Variants in LARP4B observed in about 807,000 individuals in gnomAD.
The protein encoded by LARP4B is La ribonucleoprotein 4B.
LARP4B carries 12 observed loss-of-function variants against 89.8 expected under a neutral mutation model. The ratio of observed to expected loss-of-function variants is 0.13; its 90% CI spans 0.09 to 0.22. The LOEUF (loss-of-function observed/expected upper bound fraction) is 0.22, where lower values mean the gene tolerates loss of function less well. Among genes scored for constraint, LARP4B ranks in the 10% least tolerant of loss-of-function variants. The pLI is 1.00. For synonymous variants in LARP4B, 367 were observed against 363.3 expected (o/e 1.01, Z -0.12); for missense variants, 757 against 947.7 (o/e 0.80, Z 2.64).
the LARP4B span, among the ~76,000 whole-genome samples, chr10:962,840 T>G: frequency 2.0e-5 from 3 of 152,100 alleles, no homozygotes; most frequent in African/African-American, 4.8e-5. Flanking sequence ...AGGGTCTGAC[T>G]TCTGCCGTAG....
At chr10:976,450 C>T in the LARP4B span, among the ~76,000 whole-genome samples, 12 of 150,374 alleles carry the variant, frequency 8.0e-5, no homozygotes, top group South Asian at 4.2e-4. Flanking sequence ...ATGTGCGGTC[C>T]GGCCTAGTAG....
intron 3 of LARP4B, among the ~76,000 whole-genome samples, chr10:876,897 T>C (rs1186419398): frequency 6.6e-6 from 1 of 152,110 alleles, no homozygotes; most frequent in African/African-American, 2.4e-5. Flanking sequence ...GCCCCACAGC[T>C]CTAGCATTCT....
At chr10:886,602 G>A (rs1176600459) in intron 1 of LARP4B, among the ~76,000 whole-genome samples, 1 of 152,166 alleles carries the variant, frequency 6.6e-6, no homozygotes, top group Non-Finnish European at 1.5e-5. Flanking sequence ...GTATCTGTCT[G>A]TCTATGCTAT....
rs1014657893 is a variant in LARP4B at position 810,690 on chromosome 10, G to A, written c.*2236C>T. On this transcript the variant is annotated 3_prime_UTR_variant, in exon 18 of 18. Transcript: ENST00000316157. ...TGGCTGATGGCGCCCTGGCCCTTCC[G>A]TAGCGAAGATGCAGCTCGTAGGCCC... The A allele has an allele frequency of 2.0e-5, 3 of 152,218 alleles. No homozygotes were observed. Among genetic ancestry groups the A allele is most frequent in the East Asian group, 1.9e-4 (1 of 5,198 alleles). 9.4% of individuals were successfully genotyped at this position (152,218 alleles called of 1,614,324 possible). A position where few individuals can be genotyped will look rare whatever the true frequency, so the allele number is the denominator to read the frequency against.
Position 812,880 on chromosome 10 carries a change from T to C in LARP4B, c.*46A>G, listed in dbSNP as rs1222192912. The C allele has an allele frequency of 5.4e-6, 8 of 1,487,068 alleles. No individual in the cohort carries two copies. Among genetic ancestry groups the C allele is most frequent in the Admixed American group, 2.4e-5 (1 of 41,250 alleles). 92.1% of individuals were successfully genotyped at this position (1,487,068 alleles called of 1,614,324 possible). A position where few individuals can be genotyped will look rare whatever the true frequency, so the allele number is the denominator to read the frequency against. The stretch of plus-strand genomic sequence containing the variant: ...CGCACTGAGTGGGAGAGTGTCTCGT[T>C]TGTGGTTAACACAGCGCTCTGCGAC... On this transcript the variant is annotated 3_prime_UTR_variant, in exon 18 of 18. Coordinates refer to ENST00000316157, the MANE Select transcript of LARP4B (RefSeq NM_015155.3).
chr10:909,293 C>CAA (rs56787174), intron 1 of LARP4B, among the ~76,000 whole-genome samples: 2,516 of 80,634 alleles, frequency 0.031, 111 homozygotes, highest in African/African-American at 0.097. Flanking sequence ...GACTCCGTCT[C>CAA]AAAAAAAAAA....
the LARP4B span, among the ~76,000 whole-genome samples, chr10:960,168 G>A: frequency 6.6e-6 from 1 of 152,180 alleles, no homozygotes; most frequent in Non-Finnish European, 1.5e-5. Flanking sequence ...ACGACAGAAC[G>A]TTTTGGAAAA....
chr10:817,898 G>A lies in LARP4B; in HGVS notation c.1531-9C>T, dbSNP rs1467082001. 4 of 1,611,110 alleles carry A rather than the reference G, an allele frequency of 2.5e-6. No individual in the cohort carries two copies. Among genetic ancestry groups the A allele is most frequent in the African/African-American group, 2.7e-5 (2 of 74,876 alleles). ...GACTGTGTCTGGCTGCTCTGCAACA[G>A]AATGACACCCCAGGGTCACGGTATG... On this transcript the variant is annotated splice_polypyrimidine_tract_variant and intron_variant, in intron 14 of 17. Coordinates refer to ENST00000316157, the MANE Select transcript of LARP4B (RefSeq NM_015155.3).
At chr10:949,932 C>T in the LARP4B span, among the ~76,000 whole-genome samples, 13 of 152,288 alleles carry the variant, frequency 8.5e-5, no homozygotes, top group South Asian at 1.2e-3. Flanking sequence ...CGTGCCACCA[C>T]GCCCAGCTAA....
chr10:825,607 T>C (rs61623284), intron 12 of LARP4B, among the ~76,000 whole-genome samples, 157 bp downstream of exon 12: 1 of 152,248 alleles, frequency 6.6e-6, no homozygotes, highest in African/African-American at 2.4e-5. Flanking sequence ...CGGGCACCCA[T>C]GCCAGATTGT....
At chr10:906,356 AAT>A (rs1175544031) in intron 1 of LARP4B, among the ~76,000 whole-genome samples, 2 of 152,356 alleles carry the variant, frequency 1.3e-5, no homozygotes, top group African/African-American at 4.8e-5. Context: ...AATTTATATT[AAT>A]TAAATCACAC....
intron 1 of LARP4B, among the ~76,000 whole-genome samples, chr10:894,700 G>C (rs972682311): frequency 1.3e-5 from 2 of 152,108 alleles, no homozygotes; most frequent in Non-Finnish European, 2.9e-5. Context: ...ATAACAGCTA[G>C]AAACTAAAAG....
chr10:949,677 C>T, the LARP4B span, among the ~76,000 whole-genome samples: 3 of 152,250 alleles, frequency 2.0e-5, no homozygotes, highest in Non-Finnish European at 4.4e-5. Flanking sequence ...TTTTAATTTG[C>T]ATTTCCCTAA....
the LARP4B span, among the ~76,000 whole-genome samples, chr10:945,069 T>A: frequency 1.3e-5 from 2 of 152,238 alleles, no homozygotes; most frequent in Non-Finnish European, 2.9e-5. Flanking sequence ...TCATATTTTA[T>A]AAATGTATTT....
chr10:858,906 C>T (rs1215637219), intron 5 of LARP4B, among the ~76,000 whole-genome samples: 1 of 152,184 alleles, frequency 6.6e-6, no homozygotes, highest in East Asian at 1.9e-4. Context: ...AATCACAGCA[C>T]TTTGGCAGGC....
chr10:856,747 G>A (rs1045368241), intron 5 of LARP4B, among the ~76,000 whole-genome samples: 18 of 152,152 alleles, frequency 1.2e-4, no homozygotes, highest in South Asian at 1.0e-3. Flanking sequence ...TTGTGCTTCC[G>A]GCACGAGTAG....
the LARP4B span, among the ~76,000 whole-genome samples, chr10:984,279 GAA>G: frequency 0.026 from 3,988 of 152,232 alleles, 76 homozygotes; most frequent in Non-Finnish European, 0.043. Context: ...CTAATCTTAA[GAA>G]ATTCTGCCTG....
the LARP4B span, among the ~76,000 whole-genome samples, chr10:982,066 G>C: frequency 6.9e-6 from 1 of 143,964 alleles, no homozygotes; most frequent in Non-Finnish European, 1.5e-5. Context: ...TTTTTTTTTT[G>C]ATCTGCTACT....
At chr10:962,047 C>T in the LARP4B span, among the ~76,000 whole-genome samples, 2 of 152,256 alleles carry the variant, frequency 1.3e-5, no homozygotes, top group East Asian at 3.9e-4. Context: ...AATCCCAGCA[C>T]TTTGGGAGGC....
Sources: allele counts gnomAD v4.1 joint callset (sites outside exome capture counted in the v4.1 genomes callset), GRCh38; gene constraint gnomAD v4.1.1; transcripts MANE v1.5; gene names NCBI Gene and HGNC (gene_info 2026-07-23, HGNC 2026-07-21).